The following IL12RB1 variants were observed in gnomAD, a reference collection of about 807,000 sequenced individuals.
The protein encoded by IL12RB1 is interleukin 12 receptor subunit beta 1, also known as interleukin-12 receptor subunit beta-1.
A neutral mutation model predicts 94.4 loss-of-function variants in IL12RB1; 64 were observed. The ratio of observed to expected loss-of-function variants is 0.68; its 90% CI spans 0.55 to 0.83. The LOEUF is 0.83. Among genes scored for constraint, IL12RB1 ranks in the 40% least tolerant of loss-of-function variants. The pLI, the probability that IL12RB1 is intolerant of heterozygous loss-of-function variation, is 0.00. For missense variants in IL12RB1, 814 were observed against 855.6 expected, an observed-to-expected ratio of 0.95 and a Z score of 0.61; for synonymous variants, 362 against 355.5, an observed-to-expected ratio of 1.02 and a Z score of -0.21.
At chr19:18,090,919 T>C (rs1195437920), upstream of IL12RB1, 2 of 152,412 alleles carry the variant, frequency 1.3e-5, no homozygotes, top group Non-Finnish European at 2.9e-5. Flanking sequence ...ACACTTGAGC[T>C]AGAATGTATA....
chr19:18,088,136 C>T (rs1356248102), upstream of IL12RB1, among the ~76,000 whole-genome samples: 1 of 151,824 alleles, frequency 6.6e-6, no homozygotes, highest in Non-Finnish European at 1.5e-5. Context: ...GCCTGTAATC[C>T]CAGTACTTTG....
At chr19:18,073,621 C>T in intron 7 of IL12RB1, 22 bp from the exon 8 acceptor site, 1 of 1,445,356 alleles carries the variant, frequency 6.9e-7, no homozygotes, top group South Asian at 1.1e-5. Flanking sequence ...ACCAAACCAA[C>T]TAGACGAATT....
intron 8 of IL12RB1, 109 bp from the exon 9 acceptor site, chr19:18,072,458 C>CA (rs2035133975): frequency 1.3e-6 from 1 of 747,176 alleles, no homozygotes; most frequent in South Asian, 1.4e-5. Flanking sequence ...AGGCCACAGC[C>CA]AATAACATGC....
At chr19:18,095,439 T>C (rs1416968527) in intron 1 of IL12RB1, among the ~76,000 whole-genome samples, 3 of 152,152 alleles carry the variant, frequency 2.0e-5, no homozygotes, top group Admixed American at 2.0e-4. Flanking sequence ...AGGCCACATG[T>C]TATGTTTTCA....
chr19:18,068,081 A>C (rs1367561143), intron 11 of IL12RB1, among the ~76,000 whole-genome samples: 3 of 129,684 alleles, frequency 2.3e-5, no homozygotes, highest in Non-Finnish European at 4.6e-5. Context: ...ACTGGAGTAC[A>C]GTGGCATGAT....
chr19:18,085,210 G>A lies in IL12RB1; in HGVS notation c.64+1550C>T, dbSNP rs566988347. ...TGTCCTGAGCCCTGCAGGCAGATTGGAAGCCTTGGGGGAGAAGGCGGCACC... is the reference window on the plus strand; with the variant it reads ...TGTCCTGAGCCCTGCAGGCAGATTGAAAGCCTTGGGGGAGAAGGCGGCACC... On this transcript the variant is annotated intron_variant, in intron 1 of 16. Coordinates refer to ENST00000593993, the MANE Select transcript of IL12RB1 (RefSeq NM_005535.3). 1.6e-4 allele frequency among the ~76,000 whole-genome samples: 25 copies of A among 152,286 alleles called. No homozygotes were observed. The South Asian group carries it at 4.6e-3, about 28-fold the overall frequency.
chr19:18,081,759 G>T (rs1740120148), intron 3 of IL12RB1, among the ~76,000 whole-genome samples: 1 of 152,058 alleles, frequency 6.6e-6, no homozygotes, highest in Non-Finnish European at 1.5e-5. Flanking sequence ...GGCAGAGGTT[G>T]CAGTGAGCTG....
rs574486067 is a variant in IL12RB1, at chr19:18,063,865, C to A, written c.1618+11G>T. On this transcript the variant is annotated intron_variant, in intron 13 of 16. Coordinates refer to ENST00000593993, the MANE Select transcript of IL12RB1 (RefSeq NM_005535.3). The stretch of plus-strand genomic sequence containing the variant: ...CTGGGTAAATAACTGGGTCCTACCC[C>A]CTCCACTCACCGATGCTGAAGCGCT... The A allele has an allele frequency of 9.9e-6, 16 of 1,612,314 alleles. No individual in the cohort carries two copies. Among genetic ancestry groups the A allele is most frequent in the South Asian group, 5.5e-5 (5 of 90,826 alleles).
At chr19:18,062,361 T>A in intron 13 of IL12RB1, 84 bp from the exon 14 acceptor site, 2 of 791,934 alleles carry the variant, frequency 2.5e-6, no homozygotes, top group Non-Finnish European at 4.1e-6. Context: ...GGTTTCTCCA[T>A]GAACTTGCTG....
Position 18,080,932 on chromosome 19 carries a change from A to T in IL12RB1, c.309T>A (p.Ala103=). ...TGACAGTGTACAGCACAGACACCCCAGCCTGGTCGGAGAACTGCAGCCTGG... is the reference window on the plus strand; with the variant it reads ...TGACAGTGTACAGCACAGACACCCCTGCCTGGTCGGAGAACTGCAGCCTGG... The part of the protein sequence containing the change: ...SATRLQFSDQ[A]GVSVLYTVTL... The change falls in exon 4 of 17, where the codon GCT becomes GCA. Residue 103 remains alanine (A), a synonymous_variant. Transcript: ENST00000593993. 1 of 1,614,028 alleles carries T rather than the reference A, an allele frequency of 6.2e-7. No homozygotes were observed. The highest frequency in any genetic ancestry group is 1.7e-4 in the Middle Eastern group (1 of 6,058).
rs991135167 is a variant in IL12RB1 at position 18,081,015 on chromosome 19, G to A, written c.240-14C>T. The A allele has an allele frequency of 8.1e-6, 13 of 1,608,280 alleles. No individual in the cohort carries two copies. Among genetic ancestry groups the A allele is most frequent in the South Asian group, 1.1e-5 (1 of 90,968 alleles). ...CCGGAGCTAAGGCTGCAGCAGGAAG[G>A]AGGGTGTCAGTGCCGAGTCTGGGGT... On this transcript the variant is annotated splice_polypyrimidine_tract_variant and intron_variant, in intron 3 of 16. Coordinates refer to ENST00000593993, the MANE Select transcript of IL12RB1 (RefSeq NM_005535.3).
chr19:18,086,358 AT>A (rs1352398112), intron 1 of IL12RB1, among the ~76,000 whole-genome samples: 21 of 152,054 alleles, frequency 1.4e-4, no homozygotes, highest in African/African-American at 5.1e-4. Context: ...GGATTTTGGT[AT>A]CTGCAGAGGG....
intron 1 of IL12RB1, among the ~76,000 whole-genome samples, chr19:18,098,410 G>T (rs146749074): frequency 4.9e-4 from 74 of 152,240 alleles, no homozygotes; most frequent in Non-Finnish European, 9.6e-4. Context: ...GGCACAAGGC[G>T]CTGCCAACCA....
upstream of IL12RB1, among the ~76,000 whole-genome samples, chr19:18,091,776 C>T (rs940199620): frequency 6.6e-6 from 1 of 151,470 alleles, no homozygotes; most frequent in African/African-American, 2.4e-5. Context: ...TAGCTCACTG[C>T]AGCCTCAACC....
At chr19:18,060,329 A>C (rs1216990074) in intron 15 of IL12RB1, among the ~76,000 whole-genome samples, 1 of 152,104 alleles carries the variant, frequency 6.6e-6, no homozygotes, top group Non-Finnish European at 1.5e-5. Flanking sequence ...AAATACAAAA[A>C]TTAGCTGAGC....
chr19:18,080,500 G>A (rs998231629), intron 4 of IL12RB1, among the ~76,000 whole-genome samples: 13 of 152,034 alleles, frequency 8.6e-5, no homozygotes, highest in Admixed American at 7.2e-4. Context: ...GCCTCCCAAA[G>A]TGCTGGGATT....
upstream of IL12RB1, among the ~76,000 whole-genome samples, chr19:18,088,408 T>TATATATATATATATATATATATGTATATA (rs1555788630): frequency 6.9e-6 from 1 of 145,584 alleles, no homozygotes; most frequent in South Asian, 2.2e-4. Context: ...TATATATAAA[T>TATATATATATATATATATATATGTATATA]TAAAAGTTAG....
intron 13 of IL12RB1, 83 bp downstream of exon 13, chr19:18,063,793 A>G (rs917822006): frequency 8.6e-6 from 11 of 1,284,610 alleles, no homozygotes; most frequent in African/African-American, 1.5e-5. Context: ...AGTGAGAGTG[A>G]GGGCAGGGCT....
At chr19:18,088,762 G>A (rs2146533336), upstream of IL12RB1, among the ~76,000 whole-genome samples, 1 of 152,112 alleles carries the variant, frequency 6.6e-6, no homozygotes, top group East Asian at 1.9e-4. Flanking sequence ...GGGTGCAGTG[G>A]TTCACATCTG....
Sources: allele counts gnomAD v4.1 joint callset (sites outside exome capture counted in the v4.1 genomes callset), GRCh38; gene constraint gnomAD v4.1.1; transcripts MANE v1.5; gene names NCBI Gene and HGNC (gene_info 2026-07-23, HGNC 2026-07-21).